PCDH15: variants seen among roughly 807,000 people sequenced by gnomAD.
The protein encoded by PCDH15 is protocadherin related 15.
A neutral mutation model predicts 178.5 loss-of-function variants in PCDH15; 129 were observed. That is an observed-to-expected ratio of 0.72 (90% CI 0.63 to 0.84). The LOEUF (loss-of-function observed/expected upper bound fraction) is 0.84, where lower values mean the gene tolerates loss of function less well. Among genes scored for constraint, PCDH15 ranks in the 40% least tolerant of loss-of-function variants. The pLI is 0.00. For synonymous variants in PCDH15, 800 were observed against 732.0 expected (o/e 1.09, Z -1.50); for missense variants, 2,230 against 2,099.9 (o/e 1.06, Z -1.21).
chr10:55,451,712 G>A (rs905382737), intron 2 of PCDH15, among the ~76,000 whole-genome samples: 3 of 152,010 alleles, frequency 2.0e-5, no homozygotes, highest in Admixed American at 2.0e-4. Flanking sequence ...TGATTTTCAC[G>A]GAGAAAACCT....
rs371218209 is a variant in PCDH15 at position 53,867,873 on chromosome 10, C to T, written c.3502-1016G>A. ...TTAGAGTTAGAATACTATCCGACTT[C>T]CTTTTTAATCATCCTGTATCCCGAT... On this transcript the variant is annotated intron_variant, in intron 26 of 37. Transcript: ENST00000644397. 1.9e-3 allele frequency among the ~76,000 whole-genome samples: 292 copies of T among 152,168 alleles called. 1 individual carries two copies. The highest frequency in any genetic ancestry group is 6.5e-3 in the African/African-American group (272 of 41,548).
intron 1 of PCDH15, among the ~76,000 whole-genome samples, chr10:55,220,320 A>G (rs1045252876): frequency 3.3e-5 from 5 of 152,006 alleles, no homozygotes; most frequent in African/African-American, 9.7e-5. Context: ...TTTTTAAAAC[A>G]CATTTTTGAC....
At chr10:55,552,954 T>C (rs1842027803) in intron 2 of PCDH15, among the ~76,000 whole-genome samples, 1 of 151,736 alleles carries the variant, frequency 6.6e-6, no homozygotes, top group African/African-American at 2.4e-5. Context: ...TCAGTCACTT[T>C]GGTTATTTAA....
At chr10:54,752,522 A>AAAAAG in intron 1 of PCDH15, among the ~76,000 whole-genome samples, 1 of 74,518 alleles carries the variant, frequency 1.3e-5, no homozygotes, top group South Asian at 3.6e-4. Flanking sequence ...ACAAACAAAC[A>AAAAAG]AACAAACAAA....
At chr10:54,914,892 A>C (rs989109075) in intron 2 of PCDH15, among the ~76,000 whole-genome samples, 2 of 152,192 alleles carry the variant, frequency 1.3e-5, no homozygotes, top group Non-Finnish European at 2.9e-5. Context: ...ACATGCCATT[A>C]TCCTTATCTG....
intron 2 of PCDH15, among the ~76,000 whole-genome samples, chr10:54,908,187 C>T (rs1250682307): frequency 6.6e-6 from 1 of 152,192 alleles, no homozygotes; most frequent in Non-Finnish European, 1.5e-5. Context: ...GATCCCATGC[C>T]TGCCGAGGGT....
At chr10:54,681,276 A>G (rs1407322807) in intron 1 of PCDH15, among the ~76,000 whole-genome samples, 2 of 152,218 alleles carry the variant, frequency 1.3e-5, no homozygotes, top group Non-Finnish European at 2.9e-5. Context: ...TACCAAATAC[A>G]GATGTCCCAT....
chr10:53,806,378 A>G lies in PCDH15; in HGVS notation c.*201T>C, dbSNP rs1841156421. ...TAGGTTATTTAGTGAAAGTATGTCC[A>G]AAAGGATTTTCTGGGAAAAACGATT... On this transcript the variant is annotated 3_prime_UTR_variant, in exon 38 of 38. Transcript: ENST00000644397. 3.8e-6 allele frequency: 2 copies of G among 532,018 alleles called. No individual in the cohort carries two copies. The highest frequency in any genetic ancestry group is 3.0e-5 in the East Asian group (1 of 33,222). 33.0% of individuals were successfully genotyped at this position (532,018 alleles called of 1,614,324 possible).
At chr10:54,852,519 C>T (rs1002455365) in intron 3 of PCDH15, among the ~76,000 whole-genome samples, 1 of 152,014 alleles carries the variant, frequency 6.6e-6, no homozygotes, top group South Asian at 2.1e-4. Context: ...AGAACTCCTA[C>T]AAAAAATATA....
At chr10:55,097,491 G>A (rs1209789690) in intron 2 of PCDH15, among the ~76,000 whole-genome samples, 3 of 152,094 alleles carry the variant, frequency 2.0e-5, no homozygotes, top group Non-Finnish European at 4.4e-5. Context: ...CTTCTGAGTG[G>A]TCAGTCCTCT....
intron 5 of PCDH15, among the ~76,000 whole-genome samples, chr10:54,347,676 T>C (rs893484750): frequency 2.0e-5 from 3 of 151,726 alleles, no homozygotes; most frequent in Admixed American, 6.6e-5. Flanking sequence ...GGAAAATAGA[T>C]AGAACATGCC....
At chr10:55,510,325 CT>C (rs1482407148) in intron 2 of PCDH15, among the ~76,000 whole-genome samples, 2 of 151,786 alleles carry the variant, frequency 1.3e-5, no homozygotes, top group South Asian at 2.1e-4. Context: ...ATTATTAGTA[CT>C]TTTTTCCCCC....
At chr10:55,404,496 C>T (rs1333413476) in intron 2 of PCDH15, among the ~76,000 whole-genome samples, 2 of 151,804 alleles carry the variant, frequency 1.3e-5, no homozygotes, top group Admixed American at 1.3e-4. Context: ...TTTTTTCTTA[C>T]AGTTTTATAT....
At chr10:54,477,867 G>A (rs2078393979) in intron 3 of PCDH15, among the ~76,000 whole-genome samples, 1 of 152,124 alleles carries the variant, frequency 6.6e-6, no homozygotes, top group Non-Finnish European at 1.5e-5. Context: ...ACAGGCATGA[G>A]CTACTGCACT....
At chr10:53,936,427 T>C (rs1469225496) in intron 25 of PCDH15, among the ~76,000 whole-genome samples, 1 of 152,172 alleles carries the variant, frequency 6.6e-6, no homozygotes, top group African/African-American at 2.4e-5. Flanking sequence ...TTGAATGTTA[T>C]GACTCTGACC....
chr10:55,085,661 GT>G (rs1842151052), intron 2 of PCDH15, among the ~76,000 whole-genome samples: 1 of 147,718 alleles, frequency 6.8e-6, no homozygotes, highest in Non-Finnish European at 1.5e-5. Flanking sequence ...TTATTAAACT[GT>G]TTTTATGCCT....
At chr10:55,406,299 G>A (rs995053371) in intron 2 of PCDH15, among the ~76,000 whole-genome samples, 1 of 152,054 alleles carries the variant, frequency 6.6e-6, no homozygotes, top group Non-Finnish European at 1.5e-5. Context: ...TTGTATAAAA[G>A]GTTATTCTGC....
At chr10:54,025,787 G>A (rs367715493) in intron 18 of PCDH15, among the ~76,000 whole-genome samples, 4 of 152,098 alleles carry the variant, frequency 2.6e-5, no homozygotes, top group African/African-American at 9.6e-5. Context: ...GTGAGCCACT[G>A]CGCCTGGCCA....
intron 8 of PCDH15, among the ~76,000 whole-genome samples, chr10:54,287,123 T>G (rs1247343912): frequency 6.6e-6 from 1 of 152,222 alleles, no homozygotes; most frequent in Non-Finnish European, 1.5e-5. Flanking sequence ...CCTTTTTTAA[T>G]TTTTAGAGTT....
Sources: gnomAD v4.1 joint callset for allele counts (sites outside exome capture counted in the v4.1 genomes callset) on GRCh38, gnomAD v4.1.1 for gene constraint, MANE v1.5 for transcripts, NCBI Gene and HGNC (gene_info 2026-07-23, HGNC 2026-07-21) for gene names.